Variants in ABCD3 observed in about 807,000 individuals in gnomAD.
The protein encoded by ABCD3 is ATP-binding cassette sub-family D member 3.
In ABCD3, 41 loss-of-function variants were observed where a neutral mutation model predicts 105.5. The ratio of observed to expected loss-of-function variants is 0.39; its 90% CI spans 0.30 to 0.50. ABCD3 has a LOEUF of 0.50. Among genes scored for constraint, ABCD3 ranks in the 20% least tolerant of loss-of-function variants. ABCD3 has a pLI of 0.84. For synonymous variants in ABCD3, 258 were observed against 269.0 expected (o/e 0.96, Z 0.40); for missense variants, 622 against 806.3 (o/e 0.77, Z 2.77).
At chr1:94,468,902 G>A (rs890675745) in intron 4 of ABCD3, among the ~76,000 whole-genome samples, 45 of 152,034 alleles carry the variant, frequency 3.0e-4, no homozygotes, top group Non-Finnish European at 6.2e-4. Context: ...AAGGATTAAA[G>A]CCTTGAATTA....
rs1401018569 is a variant in ABCD3, at chr1:94,517,737, A to C, written c.*608A>C. 1 of 155,914 alleles carries C rather than the reference A, an allele frequency of 6.4e-6. No individual in the cohort carries two copies. The highest frequency in any genetic ancestry group is 1.4e-5 in the Non-Finnish European group (1 of 70,298). The allele number at this position is 155,914 out of a possible 1,614,324, so 9.7% of individuals were successfully genotyped here. The stretch of plus-strand genomic sequence containing the variant: ...AGGAAAAGCCATTTTGGTTTTCCTT[A>C]ACTAAATGATAAATGTACCCCTCTC... On this transcript the variant is annotated 3_prime_UTR_variant, in exon 23 of 23. Transcript: ENST00000370214.
chr1:94,429,499 C>T (rs140385858), intron 1 of ABCD3, among the ~76,000 whole-genome samples: 80 of 152,270 alleles, frequency 5.3e-4, no homozygotes, highest in Non-Finnish European at 8.5e-4. Flanking sequence ...TTCATGGGTC[C>T]GTCCCAGGGT....
chr1:94,504,895 T>C (rs1650275174), intron 20 of ABCD3, among the ~76,000 whole-genome samples: 1 of 152,132 alleles, frequency 6.6e-6, no homozygotes, highest in Non-Finnish European at 1.5e-5. Context: ...TGAGTGAACT[T>C]GAAACTTCAC....
At chr1:94,395,235 T>G in the ABCD3 span, among the ~76,000 whole-genome samples, 2 of 152,202 alleles carry the variant, frequency 1.3e-5, no homozygotes, top group African/African-American at 4.8e-5. Context: ...TTTTAATTGC[T>G]TTATCAGTCA....
chr1:94,504,391 T>C (rs951740008), intron 20 of ABCD3, among the ~76,000 whole-genome samples: 2 of 152,188 alleles, frequency 1.3e-5, no homozygotes, highest in Non-Finnish European at 2.9e-5. Flanking sequence ...GTGCTGGGAT[T>C]ATATATGAAG....
chr1:94,415,076 C>T (rs1658973680), upstream of ABCD3, among the ~76,000 whole-genome samples: 1 of 152,194 alleles, frequency 6.6e-6, no homozygotes, highest in Non-Finnish European at 1.5e-5. Context: ...ACTTTGAGTG[C>T]TCTCTGTGGC....
At chr1:94,454,314 C>T (rs1570765285) in intron 1 of ABCD3, among the ~76,000 whole-genome samples, 1 of 152,016 alleles carries the variant, frequency 6.6e-6, no homozygotes, top group African/African-American at 2.4e-5. Flanking sequence ...TAATTCGCAG[C>T]TTTGTGGTTT....
intron 9 of ABCD3, chr1:94,482,371 C>T (rs558954757): frequency 1.6e-4 from 25 of 152,200 alleles, no homozygotes; most frequent in African/African-American, 6.0e-4. Context: ...AATATTTCAA[C>T]CTTGCCTTCT....
At chr1:94,483,588 A>G (rs1428000864) in intron 10 of ABCD3, among the ~76,000 whole-genome samples, 3 of 152,202 alleles carry the variant, frequency 2.0e-5, no homozygotes, top group East Asian at 1.9e-4. Flanking sequence ...CTGGCTAGCC[A>G]TATGTAGAAA....
chr1:94,410,524 C>A, the ABCD3 span, among the ~76,000 whole-genome samples: 9 of 152,196 alleles, frequency 5.9e-5, no homozygotes, highest in East Asian at 1.5e-3. Flanking sequence ...GGCTTCCTGA[C>A]TTTTGATCAT....
the ABCD3 span, among the ~76,000 whole-genome samples, chr1:94,393,394 T>C: frequency 2.0e-5 from 3 of 151,830 alleles, no homozygotes; most frequent in African/African-American, 7.3e-5. Flanking sequence ...ATCCCAGCAC[T>C]TTGGGAGGCT....
chr1:94,474,950 CAT>C (rs1379072168), intron 5 of ABCD3, among the ~76,000 whole-genome samples, 191 bp from the exon 6 acceptor site: 2 of 151,908 alleles, frequency 1.3e-5, no homozygotes, highest in African/African-American at 4.8e-5. Flanking sequence ...TAAACTTTAA[CAT>C]AGAATAATTC....
At chr1:94,386,301 T>G in the ABCD3 span, among the ~76,000 whole-genome samples, 6 of 152,228 alleles carry the variant, frequency 3.9e-5, no homozygotes, top group Non-Finnish European at 7.3e-5. Flanking sequence ...TGATATTAAT[T>G]CAGGGCTTCC....
intron 10 of ABCD3, among the ~76,000 whole-genome samples, chr1:94,483,825 G>A (rs1570803194): frequency 2.0e-5 from 3 of 152,238 alleles, no homozygotes; most frequent in Non-Finnish European, 4.4e-5. Flanking sequence ...CTTCTGCACA[G>A]CAAAAGAAAC....
intron 1 of ABCD3, among the ~76,000 whole-genome samples, chr1:94,448,104 T>G (rs1214304123): frequency 6.6e-6 from 1 of 152,200 alleles, no homozygotes; most frequent in African/African-American, 2.4e-5. Context: ...TCTACTGGTG[T>G]TATTGTCCAC....
At chr1:94,407,827 G>T in the ABCD3 span, among the ~76,000 whole-genome samples, 3 of 152,278 alleles carry the variant, frequency 2.0e-5, no homozygotes, top group Admixed American at 2.0e-4. Flanking sequence ...TTTTTAAATG[G>T]TCAATAAAGA....
intron 1 of ABCD3, among the ~76,000 whole-genome samples, chr1:94,449,417 G>C (rs536476349): frequency 6.6e-6 from 1 of 152,296 alleles, no homozygotes; most frequent in South Asian, 2.1e-4. Context: ...CCATTGCCGT[G>C]AGTATTCCTT....
At chr1:94,454,581 A>G (rs917128629) in intron 1 of ABCD3, among the ~76,000 whole-genome samples, 2 of 152,174 alleles carry the variant, frequency 1.3e-5, no homozygotes, top group African/African-American at 4.8e-5. Context: ...GTGGTCTAGG[A>G]TAGTATCTCT....
At chr1:94,466,066 TA>T (rs1648117828) in intron 3 of ABCD3, among the ~76,000 whole-genome samples, 1 of 152,152 alleles carries the variant, frequency 6.6e-6, no homozygotes, top group African/African-American at 2.4e-5. Context: ...ATTCTTTTTT[TA>T]AAAAAAGTAA....
Sources: gnomAD v4.1 joint callset for allele counts (sites outside exome capture counted in the v4.1 genomes callset) on GRCh38, gnomAD v4.1.1 for gene constraint, MANE v1.5 for transcripts, NCBI Gene and HGNC (gene_info 2026-07-23, HGNC 2026-07-21) for gene names.